Variants in DIP2B observed in about 807,000 individuals in gnomAD.
DIP2B encodes the protein DIP2 acetate--CoA ligase B (putative).
In DIP2B, 76 loss-of-function variants were observed where a neutral mutation model predicts 198.0. That is an observed-to-expected ratio of 0.38 (90% CI 0.32 to 0.46). The LOEUF (loss-of-function observed/expected upper bound fraction) is 0.46. Among genes scored for constraint, DIP2B ranks in the 20% least tolerant of loss-of-function variants. DIP2B has a pLI of 0.99. For synonymous variants in DIP2B, 701 were observed against 739.1 expected (o/e 0.95, Z 0.84); for missense variants, 1,559 against 1,978.4 (o/e 0.79, Z 4.02).
chr12:50,625,856 C>T, intron 1 of DIP2B, 120 bp from the exon 2 acceptor site: 1 of 1,051,328 alleles, frequency 9.5e-7, no homozygotes, highest in South Asian at 1.4e-5. Flanking sequence ...ACATTCCCCC[C>T]CCCAACCCCC....
intron 7 of DIP2B, among the ~76,000 whole-genome samples, chr12:50,675,880 G>A (rs887109584): frequency 1.3e-5 from 2 of 152,178 alleles, no homozygotes; most frequent in South Asian, 2.1e-4. Context: ...ACAAGGCAGC[G>A]TGTTAGATGG....
chr12:50,600,251 C>G (rs986980917), intron 1 of DIP2B, among the ~76,000 whole-genome samples: 1 of 152,162 alleles, frequency 6.6e-6, no homozygotes, highest in African/African-American at 2.4e-5. Context: ...CAAGTGATAT[C>G]CAAAACCATC....
At chr12:50,701,074 A>G (rs1407241526) in intron 19 of DIP2B, among the ~76,000 whole-genome samples, 1 of 152,204 alleles carries the variant, frequency 6.6e-6, no homozygotes, top group Non-Finnish European at 1.5e-5. Flanking sequence ...GAAGATACTG[A>G]TATTTTATTT....
chr12:50,541,504 C>T (rs1958325799), intron 1 of DIP2B, among the ~76,000 whole-genome samples: 1 of 150,922 alleles, frequency 6.6e-6, no homozygotes, highest in Non-Finnish European at 1.5e-5. Flanking sequence ...ATGTTTAATC[C>T]TGTATTGTGG....
intron 2 of DIP2B, among the ~76,000 whole-genome samples, chr12:50,639,090 A>AT (rs5798145): frequency 0.67 from 92,967 of 139,124 alleles, 31,767 homozygotes; most frequent in East Asian, 0.99. Flanking sequence ...AGTCTCCACA[A>AT]TTTTTTTTTT....
At position 50,583,584 on chromosome 12, in the gene DIP2B, G is replaced by A. The variant is rs529301417; in HGVS notation, c.101-42392G>A. Reference sequence around the variant, plus strand: ...TGTGGAAGTGATACAAATTCAGTACGGTCCTTTACTTACAGTGGGGTAACG... The same window carrying A: ...TGTGGAAGTGATACAAATTCAGTACAGTCCTTTACTTACAGTGGGGTAACG... On this transcript the variant is annotated intron_variant, in intron 1 of 37. Coordinates refer to ENST00000301180, the MANE Select transcript of DIP2B (RefSeq NM_173602.3). Among the ~76,000 whole-genome samples, 9 of 152,200 alleles carry A rather than the reference G, an allele frequency of 5.9e-5. No homozygotes were observed. The South Asian group carries it at 1.5e-3, about 25-fold the overall frequency.
intron 1 of DIP2B, among the ~76,000 whole-genome samples, chr12:50,594,996 A>G (rs569296103): frequency 4.1e-4 from 62 of 152,344 alleles, no homozygotes; most frequent in African/African-American, 1.4e-3. Flanking sequence ...ATGTAGTACT[A>G]TGTGCTTTGA....
intron 1 of DIP2B, among the ~76,000 whole-genome samples, chr12:50,536,750 G>A (rs372515123): frequency 6.6e-6 from 1 of 151,712 alleles, no homozygotes; most frequent in Non-Finnish European, 1.5e-5. Context: ...GTATTTTTTG[G>A]TAGAGACGGT....
chr12:50,510,968 C>T (rs1202418043), intron 1 of DIP2B, among the ~76,000 whole-genome samples: 5 of 115,460 alleles, frequency 4.3e-5, no homozygotes, highest in Admixed American at 1.1e-4. Context: ...TTTTTTGAGA[C>T]GGAGTCTCTC....
intron 12 of DIP2B, among the ~76,000 whole-genome samples, chr12:50,687,139 A>G (rs936108980): frequency 3.3e-5 from 5 of 152,226 alleles, no homozygotes; most frequent in Admixed American, 2.0e-4. Context: ...TAGAAATGCA[A>G]TTGGCAACAT....
intron 3 of DIP2B, among the ~76,000 whole-genome samples, chr12:50,658,837 C>T (rs1938596898): frequency 6.6e-6 from 1 of 152,126 alleles, no homozygotes; most frequent in South Asian, 2.1e-4. Flanking sequence ...GCCTGTAATC[C>T]CAGCACTTTA....
chr12:50,626,154 C>T, intron 2 of DIP2B, 107 bp downstream of exon 2: 1 of 1,150,054 alleles, frequency 8.7e-7, no homozygotes, highest in South Asian at 1.4e-5. Flanking sequence ...CTCCCTTCCT[C>T]ACCAGGGGAG....
intron 4 of DIP2B, among the ~76,000 whole-genome samples, chr12:50,665,270 G>T (rs903343835): frequency 2.6e-5 from 4 of 152,068 alleles, no homozygotes; most frequent in African/African-American, 4.8e-5. Context: ...ACTAATGACC[G>T]CCCTGTGTCA....
chr12:50,569,418 G>A (rs1958594421), intron 1 of DIP2B, among the ~76,000 whole-genome samples: 1 of 152,228 alleles, frequency 6.6e-6, no homozygotes, highest in East Asian at 1.9e-4. Flanking sequence ...GGCGTGTTAT[G>A]TGGCTGGTAA....
intron 2 of DIP2B, among the ~76,000 whole-genome samples, chr12:50,637,458 T>C (rs1274931788): frequency 6.6e-6 from 1 of 152,184 alleles, no homozygotes; most frequent in Non-Finnish European, 1.5e-5. Flanking sequence ...ATAAAGTGGC[T>C]TTTCCTTCTC....
intron 3 of DIP2B, among the ~76,000 whole-genome samples, chr12:50,645,459 CTT>C (rs11454537): frequency 3.5e-4 from 48 of 137,874 alleles, no homozygotes; most frequent in Admixed American, 5.1e-4. Flanking sequence ...GTACAAAATC[CTT>C]TTTTTTTTTT....
chr12:50,731,030 T>C (rs974175720), intron 30 of DIP2B, among the ~76,000 whole-genome samples: 1 of 152,214 alleles, frequency 6.6e-6, no homozygotes, highest in Non-Finnish European at 1.5e-5. Context: ...GGTTTCTGAA[T>C]AGAAAGAGGA....
At position 50,697,066 on chromosome 12, in the gene DIP2B, G is replaced by C. The variant is rs1392221312; in HGVS notation, c.1939G>C (p.Val647Leu). 6.2e-7 allele frequency: 1 copy of C among 1,613,618 alleles called. No homozygotes were observed. ...IVTDGANPWS[V>L]SSCDAFLSLF... is the part of the protein sequence containing the mutation. Reference sequence around the variant, plus strand: ...GATCTGTTCCAACTCCTTAGGGTCCGTGTCATCCTGTGATGCCTTCCTGAG... The same window carrying C: ...GATCTGTTCCAACTCCTTAGGGTCCCTGTCATCCTGTGATGCCTTCCTGAG... Residue 647 changes from valine (V) to leucine (L), a missense_variant, in exon 17 of 38, where the codon GTG (valine) becomes CTG (leucine). Physicochemically the swap from Val to Leu is conservative, Grantham distance 32. Transcript: ENST00000301180.
intron 37 of DIP2B, among the ~76,000 whole-genome samples, chr12:50,743,270 A>G (rs1264713084): frequency 6.6e-6 from 1 of 152,096 alleles, no homozygotes; most frequent in African/African-American, 2.4e-5. Context: ...TTTAGTAGAG[A>G]CGGGGTTTCA....
Sources: allele counts gnomAD v4.1 joint callset (sites outside exome capture counted in the v4.1 genomes callset), GRCh38; gene constraint gnomAD v4.1.1; transcripts MANE v1.5; gene names NCBI Gene and HGNC (gene_info 2026-07-23, HGNC 2026-07-21).